The following PLCXD3 variants were observed in gnomAD, a reference collection of about 807,000 sequenced individuals.
The protein encoded by PLCXD3 is phosphatidylinositol specific phospholipase C X domain containing 3.
In PLCXD3, 19 loss-of-function variants were observed where a neutral mutation model predicts 25.5. That is an observed-to-expected ratio of 0.75 (90% CI 0.52 to 1.09). The LOEUF is 1.09. PLCXD3 is among the 50% of genes least tolerant of loss of function. The probability of loss-of-function intolerance (pLI) is 0.00; values close to 1 mark genes in which losing one functional copy is unlikely to be tolerated. For synonymous variants in PLCXD3, 174 were observed against 137.6 expected, an observed-to-expected ratio of 1.26 and a Z score of -1.85; for missense variants, 411 against 388.1, an observed-to-expected ratio of 1.06 and a Z score of -0.50.
At chr5:41,373,450 A>T (rs1329656015) in intron 2 of PLCXD3, among the ~76,000 whole-genome samples, 2 of 152,128 alleles carry the variant, frequency 1.3e-5, no homozygotes, top group Non-Finnish European at 2.9e-5. Flanking sequence ...ATATTCATAG[A>T]TTCTTCTGTA....
intron 2 of PLCXD3, among the ~76,000 whole-genome samples, chr5:41,374,399 T>G (rs758177292): frequency 3.9e-5 from 6 of 152,148 alleles, no homozygotes; most frequent in Non-Finnish European, 8.8e-5. Context: ...CCCTTTCTAG[T>G]GTTTCAAAAA....
chr5:41,386,171 G>A (rs147332360), intron 1 of PLCXD3, among the ~76,000 whole-genome samples: 2 of 152,086 alleles, frequency 1.3e-5, no homozygotes, highest in Non-Finnish European at 2.9e-5. Context: ...TCAAAGAAGA[G>A]AAATTAACTA....
intron 1 of PLCXD3, among the ~76,000 whole-genome samples, chr5:41,506,431 G>A (rs1423866767): frequency 6.6e-6 from 1 of 152,170 alleles, no homozygotes; most frequent in Non-Finnish European, 1.5e-5. Context: ...CAATGTTGTT[G>A]CTTTTTTACT....
chr5:41,507,654 C>G (rs1440420256), intron 1 of PLCXD3, among the ~76,000 whole-genome samples: 1 of 152,166 alleles, frequency 6.6e-6, no homozygotes, highest in Non-Finnish European at 1.5e-5. Flanking sequence ...AGTTGGGTAG[C>G]CTTATAATTA....
rs547421601 is a variant in PLCXD3 at position 41,377,153 on chromosome 5, A to T, written c.812+4673T>A. On this transcript the variant is annotated intron_variant, in intron 2 of 2. Coordinates refer to ENST00000377801, the MANE Select transcript of PLCXD3 (RefSeq NM_001005473.3). ...GAATCCACCTTTTCTTAACTGTGCTATCCAGCTAGGTTGCTTAACACTTCT... is the reference window on the plus strand; with the variant it reads ...GAATCCACCTTTTCTTAACTGTGCTTTCCAGCTAGGTTGCTTAACACTTCT... 7.2e-5 allele frequency among the ~76,000 whole-genome samples: 11 copies of T among 152,222 alleles called. No homozygotes were observed. In the South Asian group the frequency reaches 8.3e-4, roughly 11 times the overall value.
chr5:41,406,958 C>T (rs1277556197), intron 1 of PLCXD3, among the ~76,000 whole-genome samples: 2 of 152,130 alleles, frequency 1.3e-5, no homozygotes, highest in Admixed American at 6.5e-5. Flanking sequence ...GAACTATTTG[C>T]TTTTATAGCC....
chr5:41,345,467 C>T (rs1339851201), intron 2 of PLCXD3, among the ~76,000 whole-genome samples: 1 of 152,044 alleles, frequency 6.6e-6, no homozygotes, highest in Non-Finnish European at 1.5e-5. Context: ...CTCTGATGCA[C>T]TAAGGCAATA....
chr5:41,410,988 T>C (rs1746503436), intron 1 of PLCXD3, among the ~76,000 whole-genome samples: 1 of 152,158 alleles, frequency 6.6e-6, no homozygotes, highest in South Asian at 2.1e-4. Context: ...GGAGCAGCTC[T>C]TATGTGGGAA....
intron 2 of PLCXD3, among the ~76,000 whole-genome samples, chr5:41,350,596 T>G (rs982779119): frequency 1.3e-5 from 2 of 152,074 alleles, no homozygotes; most frequent in African/African-American, 2.4e-5. Flanking sequence ...ACATCATGCT[T>G]AAAAAAATAC....
At chr5:41,335,895 ATG>A (rs1322378385) in intron 2 of PLCXD3, among the ~76,000 whole-genome samples, 4 of 152,168 alleles carry the variant, frequency 2.6e-5, no homozygotes, top group African/African-American at 7.2e-5. Flanking sequence ...CTTTGGCTTC[ATG>A]AACTAGCTGT....
At chr5:41,434,438 T>A (rs966305353) in intron 1 of PLCXD3, among the ~76,000 whole-genome samples, 1 of 152,132 alleles carries the variant, frequency 6.6e-6, no homozygotes, top group African/African-American at 2.4e-5. Flanking sequence ...ACCAGAAAGA[T>A]CTGACCTAGC....
chr5:41,374,631 C>T (rs554571131), intron 2 of PLCXD3, among the ~76,000 whole-genome samples: 27 of 151,978 alleles, frequency 1.8e-4, no homozygotes, highest in African/African-American at 5.1e-4. Flanking sequence ...AGAGACAGAT[C>T]GAAGAAATGA....
At chr5:41,452,612 AG>A (rs1747661160) in intron 1 of PLCXD3, among the ~76,000 whole-genome samples, 1 of 152,060 alleles carries the variant, frequency 6.6e-6, no homozygotes, top group Non-Finnish European at 1.5e-5. Context: ...GCAGATGCAA[AG>A]GCAGGGCTAC....
intron 1 of PLCXD3, among the ~76,000 whole-genome samples, chr5:41,394,862 C>A (rs1745948636): frequency 6.6e-6 from 1 of 152,028 alleles, no homozygotes; most frequent in Admixed American, 6.6e-5. Flanking sequence ...ATATAGGCCC[C>A]AATACAGTAA....
At chr5:41,334,781 T>C (rs946906717) in intron 2 of PLCXD3, among the ~76,000 whole-genome samples, 8 of 152,118 alleles carry the variant, frequency 5.3e-5, no homozygotes, top group Non-Finnish European at 7.4e-5. Flanking sequence ...TAAGAGTTCA[T>C]AAAATGCACT....
chr5:41,375,363 G>T (rs1745259938), intron 2 of PLCXD3, among the ~76,000 whole-genome samples: 1 of 151,978 alleles, frequency 6.6e-6, no homozygotes, highest in East Asian at 1.9e-4. Context: ...TCACCCCTAG[G>T]TTTTCTGTTT....
At chr5:41,400,674 G>T (rs889345484) in intron 1 of PLCXD3, among the ~76,000 whole-genome samples, 1 of 151,964 alleles carries the variant, frequency 6.6e-6, no homozygotes, top group Admixed American at 6.6e-5. Flanking sequence ...AGTAGAAGAT[G>T]GTTACCAGAA....
At chr5:41,356,794 A>G (rs1048369234) in intron 2 of PLCXD3, among the ~76,000 whole-genome samples, 1 of 152,138 alleles carries the variant, frequency 6.6e-6, no homozygotes, top group African/African-American at 2.4e-5. Flanking sequence ...TTTTGCTGAG[A>G]GGCTGAAGTA....
intron 2 of PLCXD3, among the ~76,000 whole-genome samples, chr5:41,359,667 A>G (rs1215422242): frequency 6.6e-6 from 1 of 152,032 alleles, no homozygotes; most frequent in East Asian, 1.9e-4. Flanking sequence ...ATCTTTTCAA[A>G]GAATCAGCTT....
Sources: gnomAD v4.1 joint callset for allele counts (sites outside exome capture counted in the v4.1 genomes callset) on GRCh38, gnomAD v4.1.1 for gene constraint, MANE v1.5 for transcripts, NCBI Gene and HGNC (gene_info 2026-07-23, HGNC 2026-07-21) for gene names.